Variants in PRKAR2A observed in about 807,000 individuals in gnomAD.
PRKAR2A encodes cAMP-dependent protein kinase type II-alpha regulatory subunit.
A neutral mutation model predicts 51.9 loss-of-function variants in PRKAR2A; 29 were observed. The ratio of observed to expected loss-of-function variants is 0.56; its 90% confidence interval spans 0.42 to 0.76. The LOEUF is 0.76. Among genes scored for constraint, PRKAR2A ranks in the 30% least tolerant of loss-of-function variants. The probability of loss-of-function intolerance (pLI) is 0.00; values close to 1 mark genes in which losing one functional copy is unlikely to be tolerated. For missense variants in PRKAR2A, 445 were observed against 512.1 expected (o/e 0.87, Z 1.26); for synonymous variants, 178 against 186.2 (o/e 0.96, Z 0.36).
chr3:48,761,715 C>T (rs1308430062), intron 8 of PRKAR2A, among the ~76,000 whole-genome samples: 5 of 152,284 alleles, frequency 3.3e-5, no homozygotes, highest in East Asian at 1.9e-4. Context: ...CAAGTTCAAA[C>T]GATTCTCGTG....
intron 8 of PRKAR2A, among the ~76,000 whole-genome samples, chr3:48,764,046 T>G (rs2081902021): frequency 6.6e-6 from 1 of 152,184 alleles, no homozygotes; most frequent in Non-Finnish European, 1.5e-5. Context: ...GACCCACACC[T>G]GACCAATCTG....
At chr3:48,753,388 A>C (rs1317700885) in intron 9 of PRKAR2A, among the ~76,000 whole-genome samples, 1 of 152,118 alleles carries the variant, frequency 6.6e-6, no homozygotes, top group Admixed American at 6.6e-5. Flanking sequence ...TCAATCTCTA[A>C]GAACCACTTT....
In PRKAR2A at chr3:48,822,724, GT is replaced by G. The variant is rs773527587; in HGVS notation, c.263-15041del. Among the ~76,000 whole-genome samples, 1,267 of 130,378 alleles carry G rather than the reference GT, an allele frequency of 9.7e-3. 10 individuals are homozygous for G. The highest frequency in any genetic ancestry group is 0.048 in the South Asian group (198 of 4,086). 85.5% of individuals were successfully genotyped at this position (130,378 alleles called of 152,430 possible). A position where few individuals can be genotyped will look rare whatever the true frequency, so the allele number is the denominator to read the frequency against. On this transcript the variant is annotated intron_variant, in intron 1 of 10. Transcript: ENST00000265563. ...TGTGTTCATGATGCCCCAGGATGTT[GT>G]TTTTTTTTTTTTTTTTCTTTGAGAC... is the stretch of plus-strand genomic sequence containing the variant.
At chr3:48,766,821 C>G (rs1166914265) in intron 6 of PRKAR2A, among the ~76,000 whole-genome samples, 2 of 152,080 alleles carry the variant, frequency 1.3e-5, no homozygotes, top group Non-Finnish European at 2.9e-5. Context: ...ATGAAAGATA[C>G]CTTGACTCTA....
At chr3:48,841,889 A>G (rs2083386854) in intron 1 of PRKAR2A, among the ~76,000 whole-genome samples, 2 of 152,232 alleles carry the variant, frequency 1.3e-5, no homozygotes, top group Non-Finnish European at 2.9e-5. Context: ...TTAAATACCA[A>G]TAAAATAGGG....
chr3:48,794,036 G>C lies in PRKAR2A; in HGVS notation c.312C>G (p.Thr104=). The C allele has an allele frequency of 1.2e-5, 20 of 1,605,130 alleles. No homozygotes were observed. Among genetic ancestry groups the C allele is most frequent in the Non-Finnish European group, 1.7e-5 (20 of 1,172,284 alleles). The change falls in exon 3 of 11, where the codon ACC becomes ACG. Residue 104 remains threonine, a synonymous_variant. Coordinates refer to ENST00000265563, the MANE Select transcript of PRKAR2A (RefSeq NM_004157.4). The stretch of plus-strand genomic sequence containing the variant: ...CTTCCTCTTCCTCATCAGGGTTATA[G>C]GTCTCAGCACAGACTAAAATTGGAG... ...FNRRVSVCAE[T]YNPDEEEEDT...
At chr3:48,791,708 C>A (rs1294617165) in intron 3 of PRKAR2A, among the ~76,000 whole-genome samples, 1 of 148,144 alleles carries the variant, frequency 6.8e-6, no homozygotes, top group Non-Finnish European at 1.5e-5. Flanking sequence ...AGTTCGAAAC[C>A]AGCCTGACCA....
intron 5 of PRKAR2A, among the ~76,000 whole-genome samples, chr3:48,782,053 T>C (rs962518863): frequency 6.6e-6 from 1 of 152,206 alleles, no homozygotes; most frequent in African/African-American, 2.4e-5. Flanking sequence ...AAAACCATTT[T>C]ATTTTAAATT....
intron 2 of PRKAR2A, among the ~76,000 whole-genome samples, chr3:48,802,738 A>T (rs1210421440): frequency 6.6e-6 from 1 of 152,206 alleles, no homozygotes; most frequent in Non-Finnish European, 1.5e-5. Flanking sequence ...CAACAAATAC[A>T]AACAGCTACT....
intron 1 of PRKAR2A, among the ~76,000 whole-genome samples, chr3:48,826,404 C>T (rs1353599582): frequency 6.6e-6 from 1 of 152,134 alleles, no homozygotes; most frequent in Non-Finnish European, 1.5e-5. Context: ...AAGAGACATA[C>T]GGCAAGGTCT....
intron 6 of PRKAR2A, among the ~76,000 whole-genome samples, chr3:48,766,289 C>T (rs2081940641): frequency 6.6e-6 from 1 of 151,860 alleles, no homozygotes; most frequent in South Asian, 2.1e-4. Flanking sequence ...ATTTCAAGGA[C>T]AGGTGCAGTG....
chr3:48,769,807 C>T (rs1265584010), intron 6 of PRKAR2A, among the ~76,000 whole-genome samples: 8 of 151,792 alleles, frequency 5.3e-5, no homozygotes, highest in Non-Finnish European at 1.0e-4. Context: ...CAGAGTCTCA[C>T]TCTGTCACTC....
chr3:48,804,893 A>C (rs1244047374), intron 2 of PRKAR2A, among the ~76,000 whole-genome samples: 1 of 152,046 alleles, frequency 6.6e-6, no homozygotes, highest in Admixed American at 6.6e-5. Flanking sequence ...GGCTGGTAAA[A>C]TATAATAATG....
intron 2 of PRKAR2A, among the ~76,000 whole-genome samples, chr3:48,800,631 G>C (rs939689919): frequency 6.6e-6 from 1 of 152,090 alleles, no homozygotes; most frequent in Non-Finnish European, 1.5e-5. Context: ...GATGTAGAGG[G>C]ACTGTTTTGC....
chr3:48,765,627 G>A (rs1559606591), intron 6 of PRKAR2A, among the ~76,000 whole-genome samples: 3 of 145,432 alleles, frequency 2.1e-5, no homozygotes. Context: ...ACATTTATGA[G>A]CTCACTGTCA....
chr3:48,792,334 G>A (rs2107317066), intron 3 of PRKAR2A, among the ~76,000 whole-genome samples: 1 of 151,090 alleles, frequency 6.6e-6, no homozygotes, highest in African/African-American at 2.4e-5. Context: ...TAGAGATGGG[G>A]TTTCACCATA....
At chr3:48,756,695 C>T (rs556536031) in intron 8 of PRKAR2A, among the ~76,000 whole-genome samples, 9 of 152,250 alleles carry the variant, frequency 5.9e-5, no homozygotes, top group Admixed American at 4.6e-4. Flanking sequence ...CAGATATACG[C>T]GAAGCAGCTT....
chr3:48,798,912 C>T (rs922207602), intron 2 of PRKAR2A, among the ~76,000 whole-genome samples: 10 of 152,136 alleles, frequency 6.6e-5, no homozygotes, highest in African/African-American at 2.2e-4. Flanking sequence ...CTGCCCACCT[C>T]GGTCTCCCAA....
At chr3:48,780,721 A>C (rs1349730687) in intron 5 of PRKAR2A, among the ~76,000 whole-genome samples, 1 of 152,116 alleles carries the variant, frequency 6.6e-6, no homozygotes, top group Non-Finnish European at 1.5e-5. Flanking sequence ...AAATAAGAAA[A>C]GGCTCAAGAA....
Sources: allele counts gnomAD v4.1 joint callset (sites outside exome capture counted in the v4.1 genomes callset), GRCh38; gene constraint gnomAD v4.1.1; transcripts MANE v1.5; gene names NCBI Gene and HGNC (gene_info 2026-07-23, HGNC 2026-07-21).